SEPHS1: variants seen among roughly 807,000 people sequenced by gnomAD.
SEPHS1 encodes zincore component SEPHS1.
SEPHS1 carries 7 observed loss-of-function variants against 39.2 expected under a neutral mutation model. That is an observed-to-expected ratio of 0.18 (90% CI 0.10 to 0.34). The LOEUF (loss-of-function observed/expected upper bound fraction) is 0.34. Ranked by LOEUF, SEPHS1 falls within the 10% of genes least tolerant of loss-of-function variation. The pLI, the probability that SEPHS1 is intolerant of heterozygous loss-of-function variation, is 1.00. For missense variants in SEPHS1, 253 were observed against 514.5 expected, an observed-to-expected ratio of 0.49 and a Z score of 4.92; for synonymous variants, 190 against 195.5, an observed-to-expected ratio of 0.97 and a Z score of 0.23.
intron 3 of SEPHS1, among the ~76,000 whole-genome samples, chr10:13,338,350 A>T (rs975468020): frequency 6.6e-6 from 1 of 152,246 alleles, no homozygotes; most frequent in Non-Finnish European, 1.5e-5. Flanking sequence ...CACAGGGGTG[A>T]TGGAGGTTAC....
At chr10:13,327,454 G>A (rs1342659138) in intron 7 of SEPHS1, among the ~76,000 whole-genome samples, 1 of 152,046 alleles carries the variant, frequency 6.6e-6, no homozygotes, top group African/African-American at 2.4e-5. Context: ...ATGCTAGCCG[G>A]AGCTGTTTTG....
intron 2 of SEPHS1, chr10:13,340,744 T>TCCTTTG (rs1367623987): frequency 2.0e-5 from 3 of 152,190 alleles, no homozygotes; most frequent in Non-Finnish European, 4.4e-5. Flanking sequence ...TTGATCAGAG[T>TCCTTTG]AACGGGGGAT....
chr10:13,347,649 C>T (rs983093222), intron 1 of SEPHS1, among the ~76,000 whole-genome samples: 3 of 146,912 alleles, frequency 2.0e-5, no homozygotes, highest in Non-Finnish European at 4.6e-5. Context: ...GCCGGCCGCT[C>T]CCGCCGCGCG....
chr10:13,344,978 C>T lies in SEPHS1; in HGVS notation c.-28G>A, dbSNP rs202197479. On this transcript the variant is annotated 5_prime_UTR_variant, in exon 2 of 9. Transcript: ENST00000327347. The stretch of plus-strand genomic sequence containing the variant: ...TTCTTGGGCCCCGCTCTCCTCACAG[C>T]TCAGCCCCTCCCCTCCCTCTGCGGG... 1,024 of 1,447,708 alleles carry T rather than the reference C, an allele frequency of 7.1e-4. 2 individuals carry two copies. The highest frequency in any genetic ancestry group is 8.4e-4 in the Non-Finnish European group (910 of 1,088,932). The allele number at this position is 1,447,708 out of a possible 1,614,324, so 89.7% of individuals were successfully genotyped here. A position where few individuals can be genotyped will look rare whatever the true frequency, so the allele number is the denominator to read the frequency against.
intron 2 of SEPHS1, among the ~76,000 whole-genome samples, chr10:13,341,644 T>C (rs965739116): frequency 1.3e-5 from 2 of 152,122 alleles, no homozygotes; most frequent in Non-Finnish European, 2.9e-5. Flanking sequence ...AAACATGACA[T>C]TCAATTAGAA....
At chr10:13,324,120 C>G (rs1588533659) in intron 7 of SEPHS1, among the ~76,000 whole-genome samples, 1 of 152,342 alleles carries the variant, frequency 6.6e-6, no homozygotes, top group African/African-American at 2.4e-5. Flanking sequence ...CTGGCCACCA[C>G]TGATCCTTTC....
Position 13,317,759 on chromosome 10 carries a change from G to A in SEPHS1, c.*1383C>T, listed in dbSNP as rs1274688666. 6.6e-6 allele frequency: 1 copy of A among 152,228 alleles called. No individual in the cohort carries two copies. Among genetic ancestry groups the A allele is most frequent in the East Asian group, 1.9e-4 (1 of 5,192 alleles). 9.4% of individuals were successfully genotyped at this position (152,228 alleles called of 1,614,324 possible). A position where few individuals can be genotyped will look rare whatever the true frequency, so the allele number is the denominator to read the frequency against. ...AGCAGAAAGCACCAGAAATGGGCAG[G>A]ATGTGCTGCTTTTTCTCTCACGAAG... On this transcript the variant is annotated 3_prime_UTR_variant, in exon 9 of 9. Transcript: ENST00000327347.
chr10:13,341,444 A>C (rs1037885895), intron 2 of SEPHS1, among the ~76,000 whole-genome samples: 1 of 122,954 alleles, frequency 8.1e-6, no homozygotes, highest in African/African-American at 2.6e-5. Flanking sequence ...CCCACCCCCA[A>C]CCCCTGCACC....
intron 8 of SEPHS1, among the ~76,000 whole-genome samples, chr10:13,320,233 T>C (rs575797434): frequency 2.6e-5 from 4 of 151,980 alleles, no homozygotes; most frequent in African/African-American, 9.7e-5. Flanking sequence ...CCAGGTTGGA[T>C]TGCAGTGGTG....
intron 2 of SEPHS1, among the ~76,000 whole-genome samples, chr10:13,341,208 CCCA>C (rs1192738340): frequency 6.6e-6 from 1 of 152,060 alleles, no homozygotes; most frequent in Non-Finnish European, 1.5e-5. Context: ...GCCTGAGATG[CCCA>C]CAGGCCTTGA....
At chr10:13,338,465 G>A (rs903766675) in intron 3 of SEPHS1, among the ~76,000 whole-genome samples, 2 of 152,214 alleles carry the variant, frequency 1.3e-5, no homozygotes, top group Non-Finnish European at 2.9e-5. Context: ...GTACTCAGTT[G>A]CAACAGCAGC....
chr10:13,342,489 CAGG>C (rs1400014556), intron 2 of SEPHS1, among the ~76,000 whole-genome samples: 2 of 150,716 alleles, frequency 1.3e-5, no homozygotes, highest in Admixed American at 1.3e-4. Context: ...GAGGCAGAGG[CAGG>C]AGATCACTGC....
At chr10:13,323,206 C>G (rs2131687919) in intron 7 of SEPHS1, among the ~76,000 whole-genome samples, 159 bp from the exon 8 acceptor site, 1 of 152,176 alleles carries the variant, frequency 6.6e-6, no homozygotes, top group South Asian at 2.1e-4. Context: ...AGTGAAATTC[C>G]AAAAGTTCTT....
chr10:13,336,241 A>G lies in SEPHS1; in HGVS notation c.405+2T>C. The G allele has an allele frequency of 6.2e-7, 1 of 1,605,754 alleles. No homozygotes were observed. The highest frequency in any genetic ancestry group is 8.5e-7 in the Non-Finnish European group (1 of 1,172,718). ...GGCAGCAGCCGGGTAGCTCCTACTT[A>G]CCCTGTCGGTCATTTTATTACTGAC... On this transcript the variant is annotated splice_donor_variant, in intron 4 of 8. Transcript: ENST00000327347. LOFTEE classifies it high-confidence loss of function.
intron 2 of SEPHS1, among the ~76,000 whole-genome samples, chr10:13,341,504 C>T (rs905258018): frequency 2.7e-5 from 4 of 148,952 alleles, no homozygotes; most frequent in Non-Finnish European, 6.0e-5. Context: ...AGGCACCAGG[C>T]AACAAATGTC....
In SEPHS1 at chr10:13,348,171, C is replaced by T. The variant is rs1329631475; in HGVS notation, c.-250G>A. The T allele has an allele frequency of 2.1e-5, 3 of 144,364 alleles. No homozygotes were observed. In the East Asian group the frequency reaches 6.2e-4, roughly 30 times the overall value. 8.9% of individuals were successfully genotyped at this position (144,364 alleles called of 1,614,324 possible). On this transcript the variant is annotated 5_prime_UTR_variant, in exon 1 of 9. Coordinates refer to ENST00000327347, the MANE Select transcript of SEPHS1 (RefSeq NM_012247.5). Reference sequence around the variant, plus strand: ...GCGCCTGGGCGCCGCGGGGGCTCGCCTGCCTCGGCGCGGCCCTGCGGGAGC... The same window carrying T: ...GCGCCTGGGCGCCGCGGGGGCTCGCTTGCCTCGGCGCGGCCCTGCGGGAGC...
chr10:13,347,323 C>A (rs1381732653), intron 1 of SEPHS1: 10 of 151,914 alleles, frequency 6.6e-5, no homozygotes, highest in African/African-American at 2.2e-4. Context: ...AGGACGCCCG[C>A]GTCGGAGGCG....
intron 7 of SEPHS1, among the ~76,000 whole-genome samples, chr10:13,323,647 C>A (rs1833177693): frequency 6.6e-6 from 1 of 152,106 alleles, no homozygotes; most frequent in African/African-American, 2.4e-5. Context: ...GCCACCACAC[C>A]CGGCCAAGAC....
chr10:13,341,557 G>A (rs1218976537), intron 2 of SEPHS1, among the ~76,000 whole-genome samples: 2 of 152,092 alleles, frequency 1.3e-5, no homozygotes, highest in Admixed American at 6.6e-5. Flanking sequence ...CTTTAATTAG[G>A]ATACATTTAG....
Sources: gnomAD v4.1 joint callset for allele counts (sites outside exome capture counted in the v4.1 genomes callset) on GRCh38, gnomAD v4.1.1 for gene constraint, MANE v1.5 for transcripts, NCBI Gene and HGNC (gene_info 2026-07-23, HGNC 2026-07-21) for gene names.